KCNH1: variants seen among roughly 807,000 people sequenced by gnomAD.
KCNH1 encodes the protein voltage-gated delayed rectifier potassium channel KCNH1.
Under a neutral mutation model 69.2 loss-of-function variants are expected in KCNH1, and 27 were observed. The observed-to-expected ratio is 0.39, with a 90% CI of 0.29 to 0.54. The LOEUF (loss-of-function observed/expected upper bound fraction) is 0.54, where lower values mean the gene tolerates loss of function less well. Ranked by LOEUF, KCNH1 falls within the 20% of genes least tolerant of loss-of-function variation. KCNH1 has a pLI of 0.68. For synonymous variants in KCNH1, 456 were observed against 487.7 expected, an observed-to-expected ratio of 0.93 and a Z score of 0.86; for missense variants, 798 against 1,261.6, an observed-to-expected ratio of 0.63 and a Z score of 5.57.
At chr1:210,689,058 G>A (rs968677957) in intron 10 of KCNH1, among the ~76,000 whole-genome samples, 1 of 152,198 alleles carries the variant, frequency 6.6e-6, no homozygotes, top group African/African-American at 2.4e-5. Flanking sequence ...GAGGACACCT[G>A]GAGGGCAGGG....
At chr1:211,106,112 C>G (rs1299096653) in intron 2 of KCNH1, among the ~76,000 whole-genome samples, 1 of 152,218 alleles carries the variant, frequency 6.6e-6, no homozygotes, top group Non-Finnish European at 1.5e-5. Flanking sequence ...ACAGGCTTCT[C>G]CACTCTTCAT....
intron 10 of KCNH1, among the ~76,000 whole-genome samples, chr1:210,692,876 A>G (rs1309823100): frequency 6.6e-6 from 1 of 152,132 alleles, no homozygotes; most frequent in Non-Finnish European, 1.5e-5. Flanking sequence ...TGTGAAAGAG[A>G]AGCAATTTGT....
chr1:210,895,838 A>G (rs1447967653), intron 7 of KCNH1, among the ~76,000 whole-genome samples: 2 of 152,184 alleles, frequency 1.3e-5, no homozygotes, highest in South Asian at 2.1e-4. Context: ...TGCTTTTCCA[A>G]CAACGCCATA....
intron 10 of KCNH1, among the ~76,000 whole-genome samples, chr1:210,748,622 G>A (rs73069504): frequency 0.068 from 10,426 of 152,266 alleles, 404 homozygotes; most frequent in African/African-American, 0.1. Flanking sequence ...GTGGCAGGCC[G>A]AGATAAATAA....
intron 6 of KCNH1, among the ~76,000 whole-genome samples, chr1:210,978,894 AT>A (rs1688662597): frequency 6.6e-6 from 1 of 152,206 alleles, no homozygotes; most frequent in Non-Finnish European, 1.5e-5. Context: ...AGACTTTCAC[AT>A]GCTGTTGGGC....
intron 6 of KCNH1, among the ~76,000 whole-genome samples, chr1:210,985,741 G>A (rs577686913): frequency 8.5e-4 from 129 of 152,260 alleles, no homozygotes; most frequent in African/African-American, 3.0e-3. Flanking sequence ...GTGTGGTGCT[G>A]AAAAGAATGT....
At chr1:210,969,516 T>TC (rs979269334) in intron 6 of KCNH1, among the ~76,000 whole-genome samples, 63 of 152,090 alleles carry the variant, frequency 4.1e-4, no homozygotes, top group African/African-American at 1.5e-3. Flanking sequence ...GTCGTTTATC[T>TC]CCCCTAGGAA....
At chr1:210,985,494 G>C (rs533679171) in intron 6 of KCNH1, among the ~76,000 whole-genome samples, 3 of 151,898 alleles carry the variant, frequency 2.0e-5, no homozygotes, top group African/African-American at 7.3e-5. Flanking sequence ...CTTTGTTCTC[G>C]CTGGTTTCAA....
At chr1:210,878,902 GGAGA>G (rs1238032166) in intron 7 of KCNH1, among the ~76,000 whole-genome samples, 1 of 151,886 alleles carries the variant, frequency 6.6e-6, no homozygotes, top group Non-Finnish European at 1.5e-5. Flanking sequence ...ATTCTAAAAA[GGAGA>G]GAGAGGACAT....
At chr1:210,965,409 TA>T (rs551229910) in intron 6 of KCNH1, among the ~76,000 whole-genome samples, 4 of 151,654 alleles carry the variant, frequency 2.6e-5, no homozygotes, top group South Asian at 4.2e-4. Context: ...AGTCTCATGG[TA>T]AAAAAAATCA....
At position 211,070,346 on chromosome 1, in the gene KCNH1, A is replaced by G. The variant is rs1025870482; in HGVS notation, c.558+12434T>C. On this transcript the variant is annotated intron_variant, in intron 5 of 10. Coordinates refer to ENST00000271751, the MANE Select transcript of KCNH1 (RefSeq NM_172362.3). ...GGCAGGAGAATGGCGTGAGCCCGGGAGGTGGAGCTTGCAGTGAGCCAAGAT... is the reference window on the plus strand; with the variant it reads ...GGCAGGAGAATGGCGTGAGCCCGGGGGGTGGAGCTTGCAGTGAGCCAAGAT... Among the ~76,000 whole-genome samples the G allele has an allele frequency of 7.8e-4, 118 of 150,970 alleles. 1 individual carries two copies. Among genetic ancestry groups the G allele is most frequent in the Middle Eastern group, 3.4e-3 (1 of 294 alleles).
chr1:210,860,901 A>G, intron 7 of KCNH1: 1 of 934,378 alleles, frequency 1.1e-6, no homozygotes, highest in Admixed American at 1.7e-5. Flanking sequence ...GAGAGAACAC[A>G]TGATTCTGCA....
At chr1:210,972,874 A>G (rs1688535340) in intron 6 of KCNH1, among the ~76,000 whole-genome samples, 1 of 150,308 alleles carries the variant, frequency 6.7e-6, no homozygotes, top group Non-Finnish European at 1.5e-5. Context: ...GAGTTTGAGC[A>G]CTGACTTGAG....
In KCNH1 at chr1:210,681,865, CCA is replaced by C. The variant is rs1328113580; in HGVS notation, c.*1414_*1415del. 3.3e-5 allele frequency: 5 copies of C among 152,308 alleles called. No homozygotes were observed. The East Asian group carries it at 9.7e-4, about 29-fold the overall frequency. The allele number at this position is 152,308 out of a possible 1,614,324, so 9.4% of individuals were successfully genotyped here. A position where few individuals can be genotyped will look rare whatever the true frequency, so the allele number is the denominator to read the frequency against. On this transcript the variant is annotated 3_prime_UTR_variant, in exon 11 of 11. Transcript: ENST00000271751. ...TCTAGGGCATATGCCCCGGCCAGCT[CCA>C]CTGTGCCTGGAAGAGACTTCACTCC...
At chr1:210,819,719 A>T (rs1684887681) in intron 7 of KCNH1, among the ~76,000 whole-genome samples, 1 of 152,220 alleles carries the variant, frequency 6.6e-6, no homozygotes, top group Admixed American at 6.5e-5. Flanking sequence ...CTCTTCTGTT[A>T]ATAGTGTTGT....
intron 10 of KCNH1, among the ~76,000 whole-genome samples, chr1:210,735,417 A>AGT (rs1171327261): frequency 1.5e-4 from 17 of 115,968 alleles, no homozygotes; most frequent in African/African-American, 4.5e-4. Context: ...TGAATGAGTG[A>AGT]GTGAGTGTGT....
chr1:211,085,418 G>C (rs928966584), intron 4 of KCNH1, among the ~76,000 whole-genome samples: 2 of 151,780 alleles, frequency 1.3e-5, no homozygotes, highest in Non-Finnish European at 2.9e-5. Flanking sequence ...ATTTGGTGAG[G>C]AGGGAGATAC....
chr1:211,113,967 C>CTCTA lies in KCNH1; in HGVS notation c.80-6591_80-6590insTAGA, dbSNP rs879282824. Among the ~76,000 whole-genome samples, 1,074 of 131,310 alleles carry CTCTA rather than the reference C, an allele frequency of 8.2e-3. 30 individuals carry two copies. The highest frequency in any genetic ancestry group is 0.056 in the Admixed American group (741 of 13,138). 86.1% of individuals were successfully genotyped at this position (131,310 alleles called of 152,430 possible). On this transcript the variant is annotated intron_variant, in intron 1 of 10. Transcript: ENST00000271751. ...TCTCTCTCTCTGTCTCTCTCTCTCT[C>CTCTA]TCTCTCTCACACACACACACACACA...
At chr1:211,050,989 T>TG (rs1553374621) in intron 5 of KCNH1, among the ~76,000 whole-genome samples, 2 of 150,384 alleles carry the variant, frequency 1.3e-5, no homozygotes, top group Admixed American at 1.3e-4. Flanking sequence ...ATATTTTTGT[T>TG]TTGTTGTTGT....
Sources: gnomAD v4.1 joint callset for allele counts (sites outside exome capture counted in the v4.1 genomes callset) on GRCh38, gnomAD v4.1.1 for gene constraint, MANE v1.5 for transcripts, NCBI Gene and HGNC (gene_info 2026-07-23, HGNC 2026-07-21) for gene names.